Variants in TBC1D19 observed in about 807,000 individuals in gnomAD.
TBC1D19 encodes TBC1 domain family, member 19.
A neutral mutation model predicts 89.0 loss-of-function variants in TBC1D19; 60 were observed. The ratio of observed to expected loss-of-function variants is 0.67; its 90% CI spans 0.55 to 0.84. The LOEUF (loss-of-function observed/expected upper bound fraction) is 0.84, where lower values mean the gene tolerates loss of function less well. Among genes scored for constraint, TBC1D19 ranks in the 40% least tolerant of loss-of-function variants. The probability of loss-of-function intolerance (pLI) is 0.00; values close to 1 mark genes in which losing one functional copy is unlikely to be tolerated. For missense variants in TBC1D19, 500 were observed against 610.8 expected (o/e 0.82, Z 1.91); for synonymous variants, 189 against 199.7 (o/e 0.95, Z 0.45).
At chr4:26,731,142 G>T (rs114545959) in intron 15 of TBC1D19, among the ~76,000 whole-genome samples, 1 of 152,194 alleles carries the variant, frequency 6.6e-6, no homozygotes, top group East Asian at 1.9e-4. Flanking sequence ...CTCAATCAAT[G>T]AGGGCAAATC....
chr4:26,593,667 C>A (rs954024636), intron 1 of TBC1D19, among the ~76,000 whole-genome samples: 32 of 151,996 alleles, frequency 2.1e-4, no homozygotes, highest in African/African-American at 5.1e-4. Flanking sequence ...ACCCCATCAA[C>A]AAGTGGGCAA....
At chr4:26,823,810 C>T in the TBC1D19 span, among the ~76,000 whole-genome samples, 1 of 152,238 alleles carries the variant, frequency 6.6e-6, no homozygotes, top group South Asian at 2.1e-4. Context: ...AGACCTTAGG[C>T]AGCATCTAAA....
intron 7 of TBC1D19, among the ~76,000 whole-genome samples, chr4:26,652,771 AGTCTT>A (rs745931896): frequency 2.6e-5 from 4 of 152,018 alleles, no homozygotes; most frequent in Non-Finnish European, 4.4e-5. Context: ...CTTCTTTATT[AGTCTT>A]GCTAGCGGTC....
At chr4:26,589,500 G>C (rs923810192) in intron 1 of TBC1D19, among the ~76,000 whole-genome samples, 1 of 152,118 alleles carries the variant, frequency 6.6e-6, no homozygotes, top group African/African-American at 2.4e-5. Context: ...CTCACAGTAG[G>C]TGCAGGAGTC....
At chr4:26,787,746 C>T in the TBC1D19 span, among the ~76,000 whole-genome samples, 1 of 152,174 alleles carries the variant, frequency 6.6e-6, no homozygotes, top group Non-Finnish European at 1.5e-5. Context: ...TAGGAACGTT[C>T]CCTCTGGACC....
chr4:26,804,925 A>G, the TBC1D19 span, among the ~76,000 whole-genome samples: 1 of 152,230 alleles, frequency 6.6e-6, no homozygotes, highest in African/African-American at 2.4e-5. Flanking sequence ...CTCAGGAGCA[A>G]GCGGAACATG....
chr4:26,681,851 T>C (rs974837258), intron 11 of TBC1D19, among the ~76,000 whole-genome samples: 1 of 152,206 alleles, frequency 6.6e-6, no homozygotes, highest in Non-Finnish European at 1.5e-5. Context: ...GACTATGATA[T>C]GATTCCATTT....
the TBC1D19 span, among the ~76,000 whole-genome samples, chr4:26,764,338 T>G: frequency 6.6e-6 from 1 of 152,110 alleles, no homozygotes; most frequent in African/African-American, 2.4e-5. Context: ...TCTGCACTGC[T>G]CCTCTATTCC....
intron 13 of TBC1D19, among the ~76,000 whole-genome samples, chr4:26,697,938 T>C (rs1714955790): frequency 6.6e-6 from 1 of 152,198 alleles, no homozygotes; most frequent in Non-Finnish European, 1.5e-5. Flanking sequence ...GGCATTCCCT[T>C]TGAAAACTGG....
intron 20 of TBC1D19, 115 bp downstream of exon 20, chr4:26,754,005 C>A: frequency 9.9e-7 from 1 of 1,011,684 alleles, no homozygotes; most frequent in Non-Finnish European, 1.5e-6. Context: ...TTTTTTAACT[C>A]GGGTAAAACC....
the TBC1D19 span, among the ~76,000 whole-genome samples, chr4:26,829,578 C>T: frequency 2.0e-5 from 3 of 152,162 alleles, no homozygotes; most frequent in South Asian, 2.1e-4. Context: ...GGAATTTTCC[C>T]ATTTTTCCCC....
chr4:26,713,764 A>G (rs1000559027), intron 13 of TBC1D19, among the ~76,000 whole-genome samples: 2 of 152,086 alleles, frequency 1.3e-5, no homozygotes, highest in African/African-American at 4.8e-5. Flanking sequence ...TCCCTTTTAG[A>G]CTGTAAACAT....
At chr4:26,609,527 C>T (rs978840941) in intron 1 of TBC1D19, among the ~76,000 whole-genome samples, 4 of 152,014 alleles carry the variant, frequency 2.6e-5, no homozygotes, top group African/African-American at 9.7e-5. Context: ...TATGAACAGC[C>T]CTTAAAGGAC....
intron 4 of TBC1D19, among the ~76,000 whole-genome samples, chr4:26,626,820 T>TTTTTTTATTTTTATTTTTATTTATTTTA (rs1353138187): frequency 6.7e-6 from 1 of 149,806 alleles, no homozygotes; most frequent in Admixed American, 6.6e-5. Flanking sequence ...CTCAAATTCT[T>TTTTTTTATTTTTATTTTTATTTATTTTA]TTTTTTATTT....
downstream of TBC1D19, among the ~76,000 whole-genome samples, chr4:26,756,497 G>A (rs1311267758): frequency 5.3e-5 from 8 of 152,076 alleles, no homozygotes; most frequent in South Asian, 2.1e-4. Flanking sequence ...GGGAATTTTG[G>A]TCCTCCTGTA....
upstream of TBC1D19, among the ~76,000 whole-genome samples, chr4:26,582,004 C>T (rs533956269): frequency 2.4e-4 from 37 of 151,438 alleles, no homozygotes; most frequent in African/African-American, 8.0e-4. Context: ...ACATGCTTTC[C>T]GAATTAGAGC....
the TBC1D19 span, among the ~76,000 whole-genome samples, chr4:26,773,937 G>T: frequency 2.2e-4 from 34 of 152,142 alleles, no homozygotes; most frequent in Non-Finnish European, 3.7e-4. Context: ...CCTTGCACAG[G>T]GGCTTTCTGC....
intron 14 of TBC1D19, among the ~76,000 whole-genome samples, chr4:26,719,880 G>A (rs567405440): frequency 2.2e-4 from 34 of 152,126 alleles, no homozygotes; most frequent in South Asian, 1.0e-3. Flanking sequence ...ACTTATGTTC[G>A]TGTTACTTTA....
chr4:26,600,244 C>A (rs1159449926), intron 1 of TBC1D19, among the ~76,000 whole-genome samples: 2 of 152,034 alleles, frequency 1.3e-5, no homozygotes, highest in African/African-American at 4.8e-5. Flanking sequence ...AGTCAAGAAC[C>A]CTGATTACAT....
Sources: allele counts gnomAD v4.1 joint callset (sites outside exome capture counted in the v4.1 genomes callset), GRCh38; gene constraint gnomAD v4.1.1; transcripts MANE v1.5; gene names NCBI Gene and HGNC (gene_info 2026-07-23, HGNC 2026-07-21).